The following ENPP6 variants were observed in gnomAD, a reference collection of about 807,000 sequenced individuals.
ENPP6 encodes ectonucleotide pyrophosphatase/phosphodiesterase 6.
Under a neutral mutation model 42.0 loss-of-function variants are expected in ENPP6, and 32 were observed. The ratio of observed to expected loss-of-function variants is 0.76; its 90% CI spans 0.58 to 1.02. The LOEUF is 1.02. Among genes scored for constraint, ENPP6 ranks in the 50% least tolerant of loss-of-function variants. The pLI, the probability that ENPP6 is intolerant of heterozygous loss-of-function variation, is 0.00. For missense variants in ENPP6, 552 were observed against 566.8 expected (o/e 0.97, Z 0.27); for synonymous variants, 213 against 216.0 (o/e 0.99, Z 0.12).
intron 2 of ENPP6, among the ~76,000 whole-genome samples, chr4:184,130,107 T>C (rs1290437463): frequency 6.6e-6 from 1 of 152,174 alleles, no homozygotes; most frequent in Non-Finnish European, 1.5e-5. Flanking sequence ...TGCTTCCTCA[T>C]GAAAGACAAG....
chr4:184,148,738 A>T (rs1185937664), intron 2 of ENPP6, among the ~76,000 whole-genome samples: 1 of 152,260 alleles, frequency 6.6e-6, no homozygotes, highest in African/African-American at 2.4e-5. Context: ...CATTAATTGC[A>T]GAAGCTTAGG....
Position 184,177,035 on chromosome 4 carries a change from C to T in ENPP6, c.242-23302G>A, listed in dbSNP as rs138780848. 5.0e-3 allele frequency among the ~76,000 whole-genome samples: 764 copies of T among 152,318 alleles called. 4 individuals are homozygous for T. Among genetic ancestry groups the T allele is most frequent in the Non-Finnish European group, 7.0e-3 (479 of 68,020 alleles). On this transcript the variant is annotated intron_variant, in intron 1 of 7. Transcript: ENST00000296741. ...AGGAGATCCCCTTGTGAACCCACGC[C>T]ACCAGGGCCTTGGGTCCCAAGCACA...
intron 1 of ENPP6, among the ~76,000 whole-genome samples, chr4:184,208,707 GC>G (rs1733048309): frequency 6.7e-6 from 1 of 148,252 alleles, no homozygotes; most frequent in Non-Finnish European, 1.5e-5. Flanking sequence ...AAACAAAGCA[GC>G]AGGGAAGCTC....
intron 1 of ENPP6, among the ~76,000 whole-genome samples, chr4:184,191,085 A>T (rs184941792): frequency 6.6e-6 from 1 of 152,358 alleles, no homozygotes; most frequent in East Asian, 1.9e-4. Flanking sequence ...CAGCTACAAG[A>T]TCACTGTCTA....
At chr4:184,100,102 A>G (rs144256267) in intron 6 of ENPP6, among the ~76,000 whole-genome samples, 9 of 152,372 alleles carry the variant, frequency 5.9e-5, no homozygotes, top group Non-Finnish European at 1.2e-4. Context: ...GTCGTAGGTA[A>G]ATCCACTCAT....
intron 3 of ENPP6, among the ~76,000 whole-genome samples, chr4:184,120,783 T>C (rs1579619500): frequency 6.6e-6 from 1 of 152,140 alleles, no homozygotes; most frequent in East Asian, 1.9e-4. Flanking sequence ...CCCCAGGCCT[T>C]AGGATGGCCC....
intron 1 of ENPP6, among the ~76,000 whole-genome samples, chr4:184,210,798 C>T (rs1342903904): frequency 6.6e-6 from 1 of 152,038 alleles, no homozygotes; most frequent in African/African-American, 2.4e-5. Context: ...TTTTCAGCAC[C>T]ACACAACACC....
chr4:184,166,115 A>G (rs568463132), intron 1 of ENPP6, among the ~76,000 whole-genome samples: 1 of 152,350 alleles, frequency 6.6e-6, no homozygotes, highest in African/African-American at 2.4e-5. Context: ...ATGTGTTCAA[A>G]GACACACTTT....
In ENPP6 at chr4:184,155,869, A is replaced by G. The variant is rs377517304; in HGVS notation, c.242-2136T>C. Reference sequence around the variant, plus strand: ...TCTCTTCTCTTCAACGCACATATTTAGCACTCTGGACTCTAAAGTGTCCAA... The same window carrying G: ...TCTCTTCTCTTCAACGCACATATTTGGCACTCTGGACTCTAAAGTGTCCAA... On this transcript the variant is annotated intron_variant, in intron 1 of 7. Transcript: ENST00000296741. Among the ~76,000 whole-genome samples, 811 of 152,346 alleles carry G rather than the reference A, an allele frequency of 5.3e-3. 5 individuals carry two copies. Among genetic ancestry groups the G allele is most frequent in the South Asian group, 0.029 (139 of 4,832 alleles).
At chr4:184,151,361 A>G (rs1188966951) in intron 2 of ENPP6, among the ~76,000 whole-genome samples, 3 of 152,308 alleles carry the variant, frequency 2.0e-5, no homozygotes, top group East Asian at 1.9e-4. Context: ...ATAAAGCACA[A>G]TAATAATACC....
chr4:184,132,602 C>T (rs909111885), intron 2 of ENPP6, among the ~76,000 whole-genome samples: 1 of 151,736 alleles, frequency 6.6e-6, no homozygotes, highest in Non-Finnish European at 1.5e-5. Context: ...TTCTTCTTAT[C>T]TAAAGTCATG....
chr4:184,100,585 C>A (rs1317520349), intron 6 of ENPP6, among the ~76,000 whole-genome samples: 2 of 152,108 alleles, frequency 1.3e-5, no homozygotes. Flanking sequence ...AGTGGGGCCT[C>A]TAAGTGGGAT....
intron 6 of ENPP6, among the ~76,000 whole-genome samples, chr4:184,098,651 A>AC (rs1043807054): frequency 6.6e-6 from 1 of 152,074 alleles, no homozygotes; most frequent in Non-Finnish European, 1.5e-5. Context: ...TCACTTCCCG[A>AC]CACACTTCTT....
chr4:184,140,674 A>G (rs1318764230), intron 2 of ENPP6, among the ~76,000 whole-genome samples: 1 of 139,074 alleles, frequency 7.2e-6, no homozygotes, highest in Non-Finnish European at 1.5e-5. Flanking sequence ...TGCTGGGAAA[A>G]CTGGCTAGCC....
intron 1 of ENPP6, among the ~76,000 whole-genome samples, chr4:184,162,725 T>G (rs1265209841): frequency 1.3e-5 from 2 of 152,120 alleles, no homozygotes; most frequent in Non-Finnish European, 2.9e-5. Context: ...TTCACCTTCT[T>G]TGAAAGGTGA....
intron 2 of ENPP6, among the ~76,000 whole-genome samples, chr4:184,131,183 T>G (rs540644239): frequency 7.7e-4 from 50 of 64,822 alleles, no homozygotes; most frequent in African/African-American, 2.9e-3. Flanking sequence ...CTTTCTTTCT[T>G]TCTTTCTTTC....
At chr4:184,101,338 GTGTGTGTGTGTGTA>G (rs1214290168) in intron 6 of ENPP6, among the ~76,000 whole-genome samples, 2,314 of 130,322 alleles carry the variant, frequency 0.018, 70 homozygotes, top group African/African-American at 0.065. Flanking sequence ...GTGTGTGTGT[GTGTGTGTGTGTGTA>G]GCACTGGGGT....
intron 2 of ENPP6, among the ~76,000 whole-genome samples, chr4:184,137,811 T>G (rs540347205): frequency 6.6e-6 from 1 of 152,334 alleles, no homozygotes; most frequent in African/African-American, 2.4e-5. Context: ...CCAATAGTGC[T>G]GCCATGTCTC....
chr4:184,203,386 G>T (rs1444083594), intron 1 of ENPP6, among the ~76,000 whole-genome samples: 1 of 152,212 alleles, frequency 6.6e-6, no homozygotes, highest in African/African-American at 2.4e-5. Context: ...ATGCGTAATG[G>T]GTTGACTTGT....
Sources: allele counts gnomAD v4.1 joint callset (sites outside exome capture counted in the v4.1 genomes callset), GRCh38; gene constraint gnomAD v4.1.1; transcripts MANE v1.5; gene names NCBI Gene and HGNC (gene_info 2026-07-23, HGNC 2026-07-21).